Variants in JAZF1 observed in about 807,000 individuals in gnomAD.
JAZF1 encodes JAZF zinc finger 1.
Under a neutral mutation model 26.4 loss-of-function variants are expected in JAZF1, and 8 were observed. The ratio of observed to expected loss-of-function variants is 0.30; its 90% CI spans 0.18 to 0.55. The LOEUF is 0.55. JAZF1 is among the 20% of genes least tolerant of loss of function. JAZF1 has a pLI of 0.94. For missense variants in JAZF1, 199 were observed against 322.0 expected (o/e 0.62, Z 2.92); for synonymous variants, 126 against 122.3 (o/e 1.03, Z -0.20).
chr7:27,936,292 G>C (rs1307045781), intron 2 of JAZF1, among the ~76,000 whole-genome samples: 3 of 152,152 alleles, frequency 2.0e-5, no homozygotes, highest in African/African-American at 7.2e-5. Context: ...TGCTTTCTCT[G>C]GTGACCAGAA....
At chr7:27,999,590 A>G (rs533850327) in intron 1 of JAZF1, among the ~76,000 whole-genome samples, 10 of 152,298 alleles carry the variant, frequency 6.6e-5, no homozygotes, top group African/African-American at 2.4e-4. Flanking sequence ...TTTGGCCCAT[A>G]TAGTACTTTC....
Position 27,834,503 on chromosome 7 carries a change from T to G in JAZF1, c.556-1527A>C, listed in dbSNP as rs578206527. Among the ~76,000 whole-genome samples the G allele has an allele frequency of 1.5e-3, 227 of 152,378 alleles. 2 individuals carry two copies. In the South Asian group the frequency reaches 0.036, roughly 24 times the overall value. ...CCTGAACACCTGGCTCCAGGCCTTC[T>G]GCACCTCAGCCCTGTCCTTCCAGCA... is the stretch of plus-strand genomic sequence containing the variant. On this transcript the variant is annotated intron_variant, in intron 4 of 4. Coordinates refer to ENST00000283928, the MANE Select transcript of JAZF1 (RefSeq NM_175061.4).
At chr7:27,865,871 C>G (rs1426260862) in intron 3 of JAZF1, among the ~76,000 whole-genome samples, 1 of 152,202 alleles carries the variant, frequency 6.6e-6, no homozygotes, top group Non-Finnish European at 1.5e-5. Context: ...TCCTTTAGGA[C>G]ACGGGGCACA....
Position 28,030,290 on chromosome 7 carries a change from C to T in JAZF1, c.116-38309G>A, listed in dbSNP as rs114957317. Among the ~76,000 whole-genome samples, 696 of 152,254 alleles carry T rather than the reference C, an allele frequency of 4.6e-3. 6 individuals are homozygous for T. The highest frequency in any genetic ancestry group is 0.016 in the African/African-American group (681 of 41,538). On this transcript the variant is annotated intron_variant, in intron 1 of 4. Transcript: ENST00000283928. ...GGCATGGAATACAAACAAATCAATG[C>T]GGACAGGAGTAAGAGATAAACAGTT...
At chr7:27,838,518 G>C (rs1239580579) in intron 4 of JAZF1, among the ~76,000 whole-genome samples, 1 of 152,162 alleles carries the variant, frequency 6.6e-6, no homozygotes, top group Non-Finnish European at 1.5e-5. Context: ...AGCAAGCAGG[G>C]AATAAGAAAA....
chr7:27,878,126 G>A (rs531013801), intron 3 of JAZF1, among the ~76,000 whole-genome samples: 22 of 152,246 alleles, frequency 1.4e-4, no homozygotes, highest in Non-Finnish European at 2.5e-4. Flanking sequence ...AGTGAACTAC[G>A]AACATGATGC....
intron 2 of JAZF1, among the ~76,000 whole-genome samples, chr7:27,967,697 C>A (rs1171205217): frequency 6.6e-6 from 1 of 152,110 alleles, no homozygotes; most frequent in Non-Finnish European, 1.5e-5. Flanking sequence ...TATTTCTTTC[C>A]ATTTTTGTTC....
intron 2 of JAZF1, among the ~76,000 whole-genome samples, chr7:27,954,112 C>T (rs1371848155): frequency 6.6e-6 from 1 of 152,190 alleles, no homozygotes; most frequent in African/African-American, 2.4e-5. Flanking sequence ...AGATATCTAA[C>T]TGCAAACATC....
At chr7:27,974,466 C>A (rs779477189) in intron 2 of JAZF1, among the ~76,000 whole-genome samples, 4 of 152,112 alleles carry the variant, frequency 2.6e-5, no homozygotes, top group Non-Finnish European at 5.9e-5. Context: ...GAGTACAGTG[C>A]GAAACACTTC....
chr7:27,855,126 G>A (rs1326466826), intron 3 of JAZF1, among the ~76,000 whole-genome samples: 2 of 151,874 alleles, frequency 1.3e-5, no homozygotes, highest in African/African-American at 2.4e-5. Flanking sequence ...TTCAATCCCT[G>A]ACATCCTTTC....
intron 1 of JAZF1, among the ~76,000 whole-genome samples, chr7:28,041,243 G>T (rs903217247): frequency 3.3e-5 from 5 of 152,178 alleles, no homozygotes; most frequent in Non-Finnish European, 7.3e-5. Flanking sequence ...GCATGGGTGT[G>T]AGTGCACGAG....
At chr7:27,901,204 C>T (rs1010146217) in intron 2 of JAZF1, among the ~76,000 whole-genome samples, 1 of 152,182 alleles carries the variant, frequency 6.6e-6, no homozygotes, top group Admixed American at 6.5e-5. Flanking sequence ...TTAATTTCAA[C>T]TTCCCTACAA....
chr7:28,157,256 A>T (rs1783200525), intron 1 of JAZF1, among the ~76,000 whole-genome samples: 2 of 152,232 alleles, frequency 1.3e-5, no homozygotes, highest in Non-Finnish European at 2.9e-5. Context: ...AAGTGAGAGG[A>T]GGCTGGCCTC....
chr7:27,856,452 T>G (rs1484403377), intron 3 of JAZF1, among the ~76,000 whole-genome samples: 1 of 152,188 alleles, frequency 6.6e-6, no homozygotes, highest in Non-Finnish European at 1.5e-5. Flanking sequence ...GAAAGGGACC[T>G]GAGCGGGTTG....
chr7:27,952,576 C>T (rs918025330), intron 2 of JAZF1, among the ~76,000 whole-genome samples: 1 of 152,186 alleles, frequency 6.6e-6, no homozygotes, highest in Non-Finnish European at 1.5e-5. Context: ...AAGTTAAATC[C>T]CTTTAGGCCT....
At chr7:28,177,491 AT>A (rs1783565737) in intron 1 of JAZF1, among the ~76,000 whole-genome samples, 1 of 152,218 alleles carries the variant, frequency 6.6e-6, no homozygotes, top group East Asian at 1.9e-4. Flanking sequence ...AACACACCAT[AT>A]TCCCATAAAT....
At chr7:27,922,943 GAT>G (rs1784556015) in intron 2 of JAZF1, among the ~76,000 whole-genome samples, 1 of 152,198 alleles carries the variant, frequency 6.6e-6, no homozygotes, top group South Asian at 2.1e-4. Context: ...AAAAGAATCA[GAT>G]ATTGCATATG....
intron 2 of JAZF1, among the ~76,000 whole-genome samples, chr7:27,933,833 A>T (rs532398976): frequency 1.3e-5 from 2 of 152,228 alleles, no homozygotes; most frequent in African/African-American, 4.8e-5. Flanking sequence ...GTGGAAAAAA[A>T]CCTTCCTGGG....
At chr7:27,970,434 CAAACAAAACA>C (rs550301794) in intron 2 of JAZF1, among the ~76,000 whole-genome samples, 2 of 151,902 alleles carry the variant, frequency 1.3e-5, no homozygotes, top group Non-Finnish European at 1.5e-5. Flanking sequence ...TGAACCTGGA[CAAACAAAACA>C]AAACAAAACA....
Sources: allele counts gnomAD v4.1 joint callset (sites outside exome capture counted in the v4.1 genomes callset), GRCh38; gene constraint gnomAD v4.1.1; transcripts MANE v1.5; gene names NCBI Gene and HGNC (gene_info 2026-07-23, HGNC 2026-07-21).